The following HTR7 variants were observed in gnomAD, a reference collection of about 807,000 sequenced individuals.
The protein encoded by HTR7 is 5-hydroxytryptamine receptor 7, also known as 5-HT-7.
In HTR7, 16 loss-of-function variants were observed where a neutral mutation model predicts 34.0. That is an observed-to-expected ratio of 0.47 (90% CI 0.32 to 0.71). HTR7 has a LOEUF of 0.71. Among genes scored for constraint, HTR7 ranks in the 30% least tolerant of loss-of-function variants. The probability of loss-of-function intolerance (pLI) is 0.04; values close to 1 mark genes in which losing one functional copy is unlikely to be tolerated. For synonymous variants in HTR7, 265 were observed against 260.2 expected (o/e 1.02, Z -0.18); for missense variants, 504 against 625.5 (o/e 0.81, Z 2.07).
At chr10:90,788,357 G>T (rs1021775878) in intron 1 of HTR7, among the ~76,000 whole-genome samples, 1 of 152,158 alleles carries the variant, frequency 6.6e-6, no homozygotes, top group South Asian at 2.1e-4. Flanking sequence ...TTTAAACGGA[G>T]CTCTTCTGGA....
Position 90,757,731 on chromosome 10 carries a change from A to T in HTR7, c.540-8137T>A, listed in dbSNP as rs540758720. On this transcript the variant is annotated intron_variant, in intron 1 of 3. Transcript: ENST00000336152. ...ACTCATATTAAGAATGAGCAAGATT[A>T]AACTGTTACAGCAACTACAGAAACA... 2.0e-5 allele frequency among the ~76,000 whole-genome samples: 3 copies of T among 152,334 alleles called. No homozygotes were observed. In the South Asian group the frequency reaches 6.2e-4, roughly 32 times the overall value.
chr10:90,819,498 C>T (rs1471714682), intron 1 of HTR7, among the ~76,000 whole-genome samples: 2 of 151,992 alleles, frequency 1.3e-5, no homozygotes, highest in Non-Finnish European at 2.9e-5. Context: ...GAACAGAGTA[C>T]ATCATCCCTT....
At chr10:90,822,640 A>G (rs1391195325) in intron 1 of HTR7, among the ~76,000 whole-genome samples, 2 of 152,256 alleles carry the variant, frequency 1.3e-5, no homozygotes, top group Non-Finnish European at 2.9e-5. Context: ...GCATAAGTAA[A>G]GAAGAGCCTG....
intron 1 of HTR7, among the ~76,000 whole-genome samples, chr10:90,855,358 A>G (rs1371465560): frequency 6.6e-6 from 1 of 152,260 alleles, no homozygotes; most frequent in Non-Finnish European, 1.5e-5. Context: ...AGGTGATCTC[A>G]GCCAAACCTC....
chr10:90,841,016 A>G (rs947617048), intron 1 of HTR7, among the ~76,000 whole-genome samples: 3 of 152,204 alleles, frequency 2.0e-5, no homozygotes, highest in African/African-American at 4.8e-5. Flanking sequence ...TCTAGGCACC[A>G]ACAATTGCTT....
chr10:90,808,790 C>A (rs1304746300), intron 1 of HTR7, among the ~76,000 whole-genome samples: 4 of 152,158 alleles, frequency 2.6e-5, no homozygotes, highest in Non-Finnish European at 5.9e-5. Context: ...GACCTAAAAC[C>A]TAAATGCCTT....
intron 1 of HTR7, among the ~76,000 whole-genome samples, chr10:90,852,835 C>T (rs112865371): frequency 1.4e-3 from 207 of 152,156 alleles, no homozygotes; most frequent in African/African-American, 4.7e-3. Context: ...ACAATGGTTC[C>T]CTTTGCAAGC....
At chr10:90,836,574 T>A (rs186775216) in intron 1 of HTR7, among the ~76,000 whole-genome samples, 1 of 152,162 alleles carries the variant, frequency 6.6e-6, no homozygotes, top group African/African-American at 2.4e-5. Context: ...TACAGTGGTA[T>A]GACACACCTC....
intron 1 of HTR7, among the ~76,000 whole-genome samples, chr10:90,806,082 A>G (rs1242999222): frequency 6.6e-6 from 1 of 152,218 alleles, no homozygotes; most frequent in Non-Finnish European, 1.5e-5. Context: ...AGAAACTAAG[A>G]TGCGTTTTGG....
At position 90,857,841 on chromosome 10, in the gene HTR7, C is replaced by A. The variant is rs1219022605; in HGVS notation, c.-170G>T. 5 of 577,898 alleles carry A rather than the reference C, an allele frequency of 8.7e-6. No homozygotes were observed. Among genetic ancestry groups the A allele is most frequent in the Non-Finnish European group, 1.3e-5 (5 of 397,820 alleles). 35.8% of individuals were successfully genotyped at this position (577,898 alleles called of 1,614,324 possible). ...GTCTCGGAGCCCCGCACTCCCCGGA[C>A]CCCCGGCCGCTGCGGGTAACGCGGC... On this transcript the variant is annotated 5_prime_UTR_variant, in exon 1 of 4. Transcript: ENST00000336152. This position sits in a 1 kb window ranked among gnomAD's most constrained non-coding sequence, Gnocchi z 6.5.
intron 1 of HTR7, among the ~76,000 whole-genome samples, chr10:90,789,006 C>T (rs10881832): frequency 0.62 from 93,854 of 151,970 alleles, 30,781 homozygotes; most frequent in African/African-American, 0.86. Context: ...CTCCCATTAT[C>T]GCGATCCCCT....
intron 1 of HTR7, among the ~76,000 whole-genome samples, chr10:90,834,004 A>C (rs1846216727): frequency 6.6e-6 from 1 of 152,236 alleles, no homozygotes; most frequent in South Asian, 2.1e-4. Flanking sequence ...TTGTCTATCT[A>C]TAGGTACACT....
intron 1 of HTR7, among the ~76,000 whole-genome samples, chr10:90,797,877 G>C (rs768159470): frequency 3.3e-5 from 5 of 152,186 alleles, no homozygotes; most frequent in African/African-American, 7.2e-5. Context: ...AAGGCTGAGG[G>C]ACTCATATCT....
chr10:90,786,867 A>C (rs1381360590), intron 1 of HTR7, among the ~76,000 whole-genome samples: 1 of 152,244 alleles, frequency 6.6e-6, no homozygotes, highest in Non-Finnish European at 1.5e-5. Flanking sequence ...TGCCCAAGGC[A>C]TGAAAGGTCT....
intron 1 of HTR7, among the ~76,000 whole-genome samples, chr10:90,771,556 A>G (rs1053746528): frequency 8.5e-5 from 13 of 152,236 alleles, no homozygotes; most frequent in Admixed American, 7.9e-4. Context: ...ACATTCCCCA[A>G]TGCCAGCCAG....
intron 1 of HTR7, among the ~76,000 whole-genome samples, chr10:90,751,256 C>A (rs528442305): frequency 6.6e-6 from 1 of 151,870 alleles, no homozygotes; most frequent in African/African-American, 2.4e-5. Flanking sequence ...AAGAAAAAGG[C>A]GGGCAGTGCG....
intron 1 of HTR7, among the ~76,000 whole-genome samples, chr10:90,801,094 G>A (rs1845618317): frequency 6.6e-6 from 1 of 152,234 alleles, no homozygotes; most frequent in Admixed American, 6.5e-5. Flanking sequence ...GGTTCATTTT[G>A]CCACAGAACT....
At chr10:90,770,368 TG>T (rs1401076211) in intron 1 of HTR7, among the ~76,000 whole-genome samples, 1 of 152,148 alleles carries the variant, frequency 6.6e-6, no homozygotes, top group Non-Finnish European at 1.5e-5. Context: ...AGAGAGGACC[TG>T]GAGGCCCCAC....
At chr10:90,787,922 T>C (rs1845405419) in intron 1 of HTR7, among the ~76,000 whole-genome samples, 1 of 151,982 alleles carries the variant, frequency 6.6e-6, no homozygotes, top group South Asian at 2.1e-4. Flanking sequence ...AATAAGAGTA[T>C]ATTCTCCCAA....
Sources: gnomAD v4.1 joint callset for allele counts (sites outside exome capture counted in the v4.1 genomes callset) on GRCh38, gnomAD v4.1.1 for gene constraint, Gnocchi (gnomAD v3.1) non-coding constraint, MANE v1.5 for transcripts, NCBI Gene and HGNC (gene_info 2026-07-23, HGNC 2026-07-21) for gene names.